The following SURF1 variants were observed in gnomAD, a reference collection of about 807,000 sequenced individuals.
The protein encoded by SURF1 is surfeit locus protein 1.
SURF1 carries 45 observed loss-of-function variants against 34.1 expected under a neutral mutation model. The ratio of observed to expected loss-of-function variants is 1.32; its 90% CI spans 1.04 to 1.69. The LOEUF is 1.69. Ranked by LOEUF, SURF1 falls within the 40% of genes most tolerant of loss-of-function variation. The pLI, the probability that SURF1 is intolerant of heterozygous loss-of-function variation, is 0.00. For missense variants in SURF1, 456 were observed against 384.6 expected, an observed-to-expected ratio of 1.19 and a Z score of -1.55; for synonymous variants, 188 against 147.5, an observed-to-expected ratio of 1.27 and a Z score of -1.99.
chr9:133,356,094 C>T (rs945762971), intron 2 of SURF1, 175 bp downstream of exon 2: 1 of 888,134 alleles, frequency 1.1e-6, no homozygotes, highest in African/African-American at 1.7e-5. Flanking sequence ...ATGCCCGGCA[C>T]ACGACCACAA....
At position 133,352,687 on chromosome 9, in the gene SURF1, CCCTTACCTGG is replaced by C. The variant is rs1379681575; in HGVS notation, c.585_588+6del. On this transcript the variant is annotated splice_donor_variant and splice_donor_5th_base_variant and coding_sequence_variant and intron_variant, in exon 6 of 9. Transcript: ENST00000371974. LOFTEE classifies it high-confidence loss of function. ...TCTCTAAAGTAGGAAGAGTCCATGT[CCCTTACCTGG>C]CCTTTCTGCCGGGTTTCAGGATTCA... 6.2e-7 allele frequency: 1 copy of C among 1,613,546 alleles called. No individual in the cohort carries two copies. The highest frequency in any genetic ancestry group is 8.5e-7 in the Non-Finnish European group (1 of 1,179,860).
At chr9:133,353,695 A>G in intron 5 of SURF1, 54 bp downstream of exon 5, 1 of 1,599,154 alleles carries the variant, frequency 6.3e-7, no homozygotes, top group Non-Finnish European at 8.6e-7. Flanking sequence ...GATGTAAATT[A>G]GTATACCCTG....
At chr9:133,352,399 T>C (rs1211437814) in intron 7 of SURF1, 47 bp downstream of exon 7, 4 of 1,613,770 alleles carry the variant, frequency 2.5e-6, no homozygotes, top group African/African-American at 1.3e-5. Flanking sequence ...GGAAGGACAG[T>C]ATTCACAAAA....
chr9:133,354,185 T>G, intron 4 of SURF1: 2 of 589,824 alleles, frequency 3.4e-6, no homozygotes, highest in South Asian at 3.9e-5. Flanking sequence ...TTAAAAAATA[T>G]GTGGGCCAAA....
chr9:133,354,297 G>C, intron 4 of SURF1: 1 of 490,542 alleles, frequency 2.0e-6, no homozygotes, highest in Non-Finnish European at 3.7e-6. Flanking sequence ...GGAGAGAGCA[G>C]ACAAATCATT....
chr9:133,352,052 G>A lies in SURF1; in HGVS notation c.833+9C>T. 1 of 1,612,114 alleles carries A rather than the reference G, an allele frequency of 6.2e-7. No individual in the cohort carries two copies. Among genetic ancestry groups the A allele is most frequent in the East Asian group, 2.2e-5 (1 of 44,860 alleles). On this transcript the variant is annotated intron_variant, in intron 8 of 8. Coordinates refer to ENST00000371974, the MANE Select transcript of SURF1 (RefSeq NM_003172.4). The stretch of plus-strand genomic sequence containing the variant: ...AGGGGAGGAAGCCAGAGGGCCGCTG[G>A]GGACTCACCAGGTCACGATGTACTG...
intron 4 of SURF1, 40 bp from the exon 5 acceptor site, chr9:133,353,980 T>A (rs2130015849): frequency 6.2e-7 from 1 of 1,612,514 alleles, no homozygotes; most frequent in Non-Finnish European, 8.5e-7. Flanking sequence ...AAGGTTTGGC[T>A]GGAAAACGAA....
chr9:133,352,181 C>G (rs1259017652), intron 7 of SURF1, 39 bp from the exon 8 acceptor site: 2 of 1,546,526 alleles, frequency 1.3e-6, no homozygotes, highest in East Asian at 4.7e-5. Context: ...CCCTACTGGC[C>G]TGCCAGCCTC....
At chr9:133,354,069 G>GTTCCCCTTTGAAGA in intron 4 of SURF1, 129 bp from the exon 5 acceptor site, 1 of 1,042,094 alleles carries the variant, frequency 9.6e-7, no homozygotes, top group Non-Finnish European at 1.5e-6. Context: ...GCTCTTCAAA[G>GTTCCCCTTTGAAGA]GGGAACTTTG....
chr9:133,356,072 A>T, intron 2 of SURF1, 197 bp downstream of exon 2: 2 of 727,744 alleles, frequency 2.7e-6, no homozygotes, highest in Non-Finnish European at 4.6e-6. Context: ...GTGAGGACAA[A>T]GCGCTCGCTA....
At chr9:133,354,531 G>C in intron 4 of SURF1, 128 bp downstream of exon 4, 1 of 1,115,978 alleles carries the variant, frequency 9.0e-7, no homozygotes, top group Non-Finnish European at 1.4e-6. Flanking sequence ...CTGATAATGA[G>C]AGCTCCCACC....
intron 2 of SURF1, among the ~76,000 whole-genome samples, chr9:133,355,507 G>A (rs1836549823): frequency 6.6e-6 from 1 of 152,214 alleles, no homozygotes; most frequent in Non-Finnish European, 1.5e-5. Context: ...GAACCTGGGA[G>A]GAGGTGGTTG....
Position 133,352,566 on chromosome 9 carries a change from C to A in SURF1, c.631G>T (p.Glu211Ter). The A allele has an allele frequency of 6.2e-7, 1 of 1,614,198 alleles. No homozygotes were observed. The highest frequency in any genetic ancestry group is 8.5e-7 in the Non-Finnish European group (1 of 1,180,042). ...VDLIGMVRLTETRQPFVPENN... is the reference protein window; with the variant it reads ...VDLIGMVRLT ...TCAGGGACAAAAGGCTGCCTGGTTTCTGTCAGCCTCACCATCCCAATGAGG... is the reference window on the plus strand; with the variant it reads ...TCAGGGACAAAAGGCTGCCTGGTTTATGTCAGCCTCACCATCCCAATGAGG... The change falls in exon 7 of 9, where the codon GAA (glutamate) becomes TAA (stop). Residue 211 changes from glutamate (E) to a stop codon, truncating the protein, a stop_gained. Coordinates refer to ENST00000371974, the MANE Select transcript of SURF1 (RefSeq NM_003172.4). LOFTEE classifies it high-confidence loss of function.
In SURF1 at chr9:133,354,977, T is replaced by C. The variant is rs2130020167; in HGVS notation, c.107-20A>G. On this transcript the variant is annotated intron_variant, in intron 2 of 8. Coordinates refer to ENST00000371974, the MANE Select transcript of SURF1 (RefSeq NM_003172.4). The stretch of plus-strand genomic sequence containing the variant: ...CCACCCCTGGAGAGTTTCACAACAC[T>C]GACATGGAGCCAGAAGCCCTCGAAC... 6.2e-7 allele frequency: 1 copy of C among 1,612,348 alleles called. No individual in the cohort carries two copies. The highest frequency in any genetic ancestry group is 8.5e-7 in the Non-Finnish European group (1 of 1,180,002).
chr9:133,356,454 C>T lies in SURF1; in HGVS notation c.-1G>A, dbSNP rs1407951249. On this transcript the variant is annotated 5_prime_UTR_variant, in exon 1 of 9. Coordinates refer to ENST00000371974, the MANE Select transcript of SURF1 (RefSeq NM_003172.4). ...GCTGCAACGCAGCCACCGCCGCCAT[C>T]GCACCCGGCCCCGCGGGCGCTTCCG... is the stretch of plus-strand genomic sequence containing the variant. 1.4e-6 allele frequency: 2 copies of T among 1,421,606 alleles called. No homozygotes were observed. The highest frequency in any genetic ancestry group is 1.8e-6 in the Non-Finnish European group (2 of 1,089,746). The allele number at this position is 1,421,606 out of a possible 1,614,324, so 88.1% of individuals were successfully genotyped here. A position where few individuals can be genotyped will look rare whatever the true frequency, so the allele number is the denominator to read the frequency against.
intron 1 of SURF1, 31 bp from the exon 2 acceptor site, chr9:133,356,351 G>C: frequency 2.4e-6 from 3 of 1,257,236 alleles, no homozygotes; most frequent in Non-Finnish European, 3.2e-6. Flanking sequence ...GCTGAGCTCC[G>C]GGACCCCTCC....
intron 7 of SURF1, 42 bp from the exon 8 acceptor site, chr9:133,352,184 C>G: frequency 6.5e-7 from 1 of 1,546,416 alleles, no homozygotes; most frequent in Non-Finnish European, 8.8e-7. Context: ...TACTGGCCTG[C>G]CAGCCTCTGC....
In SURF1 at chr9:133,356,448, CG is replaced by C; in HGVS notation, c.5del (p.Ala2GlyfsTer70). 1 of 1,419,856 alleles carries C rather than the reference CG, an allele frequency of 7.0e-7. No individual in the cohort carries two copies. Among genetic ancestry groups the C allele is most frequent in the African/African-American group, 1.5e-5 (1 of 66,910 alleles). 88.0% of individuals were successfully genotyped at this position (1,419,856 alleles called of 1,614,324 possible). On this transcript the variant is annotated frameshift_variant, in exon 1 of 9. Coordinates refer to ENST00000371974, the MANE Select transcript of SURF1 (RefSeq NM_003172.4). LOFTEE classifies it high-confidence loss of function. ...GCCCCAGCTGCAACGCAGCCACCGC[CG>C]CCATCGCACCCGGCCCCGCGGGCGC... M[A>X]AVAALQLGLR...
In SURF1 at chr9:133,352,777, G is replaced by C. The variant is rs2130010133; in HGVS notation, c.516-11C>G. On this transcript the variant is annotated splice_polypyrimidine_tract_variant and intron_variant, in intron 5 of 8. Coordinates refer to ENST00000371974, the MANE Select transcript of SURF1 (RefSeq NM_003172.4). ...ACCAGGATGGTGACTCTAGGGTAAT[G>C]AAAGTGCTACTTCAGGTGGGGAGGG... 5.0e-6 allele frequency: 8 copies of C among 1,607,722 alleles called. No homozygotes were observed. The highest frequency in any genetic ancestry group is 6.8e-6 in the Non-Finnish European group (8 of 1,177,386).
Sources: allele counts gnomAD v4.1 joint callset (sites outside exome capture counted in the v4.1 genomes callset), GRCh38; gene constraint gnomAD v4.1.1; transcripts MANE v1.5; gene names NCBI Gene and HGNC (gene_info 2026-07-23, HGNC 2026-07-21).